DST: variants seen among roughly 807,000 people sequenced by gnomAD.
DST encodes dystonin.
DST carries 253 observed loss-of-function variants against 875.2 expected under a neutral mutation model. The ratio of observed to expected loss-of-function variants is 0.29; its 90% CI spans 0.26 to 0.32. The LOEUF (loss-of-function observed/expected upper bound fraction) is 0.32, where lower values mean the gene tolerates loss of function less well. Ranked by LOEUF, DST falls within the 10% of genes least tolerant of loss-of-function variation. The pLI, the probability that DST is intolerant of heterozygous loss-of-function variation, is 1.00. For synonymous variants in DST, 3,124 were observed against 3,197.1 expected, an observed-to-expected ratio of 0.98 and a Z score of 0.77; for missense variants, 8,287 against 9,111.6, an observed-to-expected ratio of 0.91 and a Z score of 3.68.
intron 36 of DST, chr6:56,620,398 T>G: frequency 6.2e-7 from 1 of 1,614,218 alleles, no homozygotes; most frequent in Non-Finnish European, 8.5e-7. Context: ...GCTCCAGTTC[T>G]CTTTCAGCGG....
intron 5 of DST, 71 bp from the exon 6 acceptor site, chr6:56,704,440 G>A: frequency 1.4e-6 from 1 of 697,926 alleles, no homozygotes; most frequent in South Asian, 2.0e-5. Flanking sequence ...AACATAAAAA[G>A]GAGACAAGTA....
chr6:56,740,267 A>T (rs1300231540), intron 4 of DST, among the ~76,000 whole-genome samples: 1 of 152,098 alleles, frequency 6.6e-6, no homozygotes, highest in African/African-American at 2.4e-5. Flanking sequence ...TTGAATCTGG[A>T]CCCCTGTCCT....
chr6:56,883,776 C>T (rs1191951801), intron 3 of DST, among the ~76,000 whole-genome samples: 2 of 152,062 alleles, frequency 1.3e-5, no homozygotes, highest in Non-Finnish European at 2.9e-5. Context: ...TCTCCCCTAC[C>T]CCACCAGATG....
intron 4 of DST, among the ~76,000 whole-genome samples, chr6:56,791,690 T>C (rs546917971): frequency 6.7e-6 from 1 of 149,660 alleles, no homozygotes; most frequent in Non-Finnish European, 1.5e-5. Context: ...GAGGCTGAGG[T>C]AGGAGGATCA....
In DST at chr6:56,593,665, T is replaced by TA; in HGVS notation, c.12723dup (p.Lys4242Ter). 1 of 1,549,470 alleles carries TA rather than the reference T, an allele frequency of 6.5e-7. No individual in the cohort carries two copies. The highest frequency in any genetic ancestry group is 8.7e-7 in the Non-Finnish European group (1 of 1,148,624). Reference sequence around the variant, plus strand: ...TTAAAAAATCAAAATAACATTACCTTAGAGTAGAGAGACCTGAACCGATCA... The same window carrying TA: ...TTAAAAAATCAAAATAACATTACCTTAAGAGTAGAGAGACCTGAACCGATCA... On this transcript the variant is annotated frameshift_variant, in exon 48 of 104. Transcript: ENST00000680361. LOFTEE classifies it high-confidence loss of function.
At chr6:56,824,655 G>T (rs1183124686) in intron 4 of DST, among the ~76,000 whole-genome samples, 1 of 151,376 alleles carries the variant, frequency 6.6e-6, no homozygotes, top group African/African-American at 2.4e-5. Context: ...CTGACCGGCC[G>T]CGACCCCGTC....
intron 2 of DST, among the ~76,000 whole-genome samples, chr6:56,915,798 A>G (rs73459735): frequency 0.031 from 4,737 of 152,288 alleles, 237 homozygotes; most frequent in African/African-American, 0.1. Flanking sequence ...ACCTAAATGT[A>G]TATGCAAACT....
At chr6:56,826,761 C>A (rs2099780923) in intron 4 of DST, among the ~76,000 whole-genome samples, 1 of 152,142 alleles carries the variant, frequency 6.6e-6, no homozygotes, top group Non-Finnish European at 1.5e-5. Context: ...CAGTATTCTG[C>A]TATTACAAAC....
rs766261479 is a variant in DST at position 56,514,578 on chromosome 6, T to TACACAC, written c.18576+866_18576+871dup. Among the ~76,000 whole-genome samples, 873 of 145,110 alleles carry TACACAC rather than the reference T, an allele frequency of 6.0e-3. 12 individuals carry two copies. The highest frequency in any genetic ancestry group is 0.021 in the African/African-American group (813 of 38,604). On this transcript the variant is annotated intron_variant, in intron 72 of 103. Transcript: ENST00000680361. The stretch of plus-strand genomic sequence containing the variant: ...TCCTTCTCTCTTGGGCACAGGCGTA[T>TACACAC]ACACACACACACACACACACACACA...
At chr6:56,721,383 G>A (rs2099415892) in intron 5 of DST, among the ~76,000 whole-genome samples, 1 of 152,252 alleles carries the variant, frequency 6.6e-6, no homozygotes, top group African/African-American at 2.4e-5. Flanking sequence ...GTAAAGACAG[G>A]CCTAGCAAAT....
intron 49 of DST, 32 bp from the exon 50 acceptor site, chr6:56,578,969 A>T: frequency 1.3e-6 from 2 of 1,519,644 alleles, no homozygotes; most frequent in Non-Finnish European, 1.8e-6. Flanking sequence ...AATTATACTC[A>T]GCAGGACTAA....
intron 3 of DST, among the ~76,000 whole-genome samples, chr6:56,889,395 C>T (rs1004677693): frequency 1.3e-5 from 2 of 152,168 alleles, no homozygotes; most frequent in Non-Finnish European, 2.9e-5. Context: ...GCCCATATGT[C>T]CTCCAACTCC....
chr6:56,627,729 C>A (rs1299679851), intron 33 of DST, among the ~76,000 whole-genome samples: 2 of 152,130 alleles, frequency 1.3e-5, no homozygotes. Flanking sequence ...GATTTCTATA[C>A]CTATGATTAA....
chr6:56,649,125 C>T (rs1195654311), intron 12 of DST, among the ~76,000 whole-genome samples: 1 of 152,112 alleles, frequency 6.6e-6, no homozygotes, highest in Admixed American at 6.5e-5. Context: ...ACTCAAAAGA[C>T]TTACCCAATA....
intron 4 of DST, among the ~76,000 whole-genome samples, chr6:56,786,972 G>C (rs898537197): frequency 2.0e-5 from 3 of 152,196 alleles, no homozygotes; most frequent in African/African-American, 7.2e-5. Context: ...TCTGAACCAA[G>C]GTAACAGCAA....
At chr6:56,470,781 AACACACACACAC>A (rs67009040) in intron 95 of DST, among the ~76,000 whole-genome samples, 13 of 141,540 alleles carry the variant, frequency 9.2e-5, no homozygotes, top group Admixed American at 2.9e-4. Flanking sequence ...TATGCCAGGC[AACACACACACAC>A]ACACACACAC....
intron 4 of DST, among the ~76,000 whole-genome samples, chr6:56,752,230 A>G (rs1306688218): frequency 3.9e-5 from 6 of 152,140 alleles, no homozygotes; most frequent in Admixed American, 2.6e-4. Context: ...TCTTAGTCCA[A>G]TGGGAGACAG....
chr6:56,851,879 G>T, intron 3 of DST: 1 of 1,550,676 alleles, frequency 6.4e-7, no homozygotes, highest in Non-Finnish European at 8.7e-7. Context: ...TGTGGCCTGT[G>T]GTCCGGCCAC....
intron 9 of DST, among the ~76,000 whole-genome samples, chr6:56,675,632 T>C (rs568727075): frequency 6.6e-6 from 1 of 152,248 alleles, no homozygotes; most frequent in East Asian, 1.9e-4. Flanking sequence ...GGCAGGCAGA[T>C]CATGAGGTCA....
Sources: allele counts gnomAD v4.1 joint callset (sites outside exome capture counted in the v4.1 genomes callset), GRCh38; gene constraint gnomAD v4.1.1; transcripts MANE v1.5; gene names NCBI Gene and HGNC (gene_info 2026-07-23, HGNC 2026-07-21).